Variants in MIPOL1 observed in about 807,000 individuals in gnomAD.
MIPOL1 encodes the protein mirror-image polydactyly gene 1 protein.
A neutral mutation model predicts 60.9 loss-of-function variants in MIPOL1; 57 were observed. The observed-to-expected ratio is 0.94, with a 90% CI of 0.76 to 1.17. The LOEUF is 1.17. Ranked by LOEUF, MIPOL1 falls within the 50% of genes most tolerant of loss-of-function variation. MIPOL1 has a pLI of 0.00. For synonymous variants in MIPOL1, 179 were observed against 168.8 expected, an observed-to-expected ratio of 1.06 and a Z score of -0.47; for missense variants, 551 against 511.6, an observed-to-expected ratio of 1.08 and a Z score of -0.74.
intron 9 of MIPOL1, among the ~76,000 whole-genome samples, chr14:37,345,573 G>GT (rs2090890548): frequency 6.6e-6 from 1 of 152,014 alleles, no homozygotes; most frequent in South Asian, 2.1e-4. Context: ...TAGTTTCTTG[G>GT]TATCTGCTAT....
chr14:37,357,960 G>C (rs1357245466), intron 9 of MIPOL1, among the ~76,000 whole-genome samples: 1 of 151,962 alleles, frequency 6.6e-6, no homozygotes, highest in East Asian at 1.9e-4. Context: ...ATTTATGTTA[G>C]GTATTTCTCC....
rs777576426 is a variant in MIPOL1 at position 37,285,299 on chromosome 14, G to A, written c.494-19G>A. ...CTTTATTTTGTATGATTGATTGTGC[G>A]CTTTATATATTTTGGTAGCTCTGGT... On this transcript the variant is annotated intron_variant, in intron 6 of 12. Transcript: ENST00000684589. The A allele has an allele frequency of 1.5e-5, 24 of 1,613,042 alleles. No individual in the cohort carries two copies. The highest frequency in any genetic ancestry group is 4.0e-5 in the African/African-American group (3 of 74,822).
chr14:37,372,580 C>T (rs923532012), intron 10 of MIPOL1, among the ~76,000 whole-genome samples: 1 of 151,880 alleles, frequency 6.6e-6, no homozygotes, highest in African/African-American at 2.4e-5. Flanking sequence ...ATAATGAAAA[C>T]CCGTCTCTAC....
intron 7 of MIPOL1, 149 bp downstream of exon 7, chr14:37,285,596 CTT>C (rs767127738): frequency 3.3e-3 from 2,006 of 604,336 alleles, no homozygotes; most frequent in South Asian, 7.0e-3. Flanking sequence ...TTTTTCTTTT[CTT>C]TTTTTTTTTT....
At chr14:37,466,838 G>C (rs2153585842) in intron 11 of MIPOL1, among the ~76,000 whole-genome samples, 1 of 152,278 alleles carries the variant, frequency 6.6e-6, no homozygotes, top group South Asian at 2.1e-4. Flanking sequence ...CATTTAATTA[G>C]AAAGGACACA....
intron 9 of MIPOL1, among the ~76,000 whole-genome samples, chr14:37,337,165 A>G (rs1429740997): frequency 6.7e-6 from 1 of 150,158 alleles, no homozygotes; most frequent in Non-Finnish European, 1.5e-5. Flanking sequence ...ATTGTTCCAT[A>G]TTGTGTTGTT....
chr14:37,326,846 C>T (rs1460784617), intron 9 of MIPOL1, among the ~76,000 whole-genome samples: 3 of 152,098 alleles, frequency 2.0e-5, no homozygotes, highest in South Asian at 2.1e-4. Context: ...TGAGCACTCA[C>T]GTGAAACACA....
Position 37,304,900 on chromosome 14 carries a change from G to A in MIPOL1, c.624-3156G>A, listed in dbSNP as rs12436291. Among the ~76,000 whole-genome samples, 1,438 of 151,780 alleles carry A rather than the reference G, an allele frequency of 9.5e-3. 19 individuals are homozygous for A. The highest frequency in any genetic ancestry group is 0.012 in the Non-Finnish European group (826 of 67,742). On this transcript the variant is annotated intron_variant, in intron 7 of 12. Transcript: ENST00000684589. ...AGGCATAATTTAAAGTTTACAAAAG[G>A]TTGAAATTCTTTTGTCTAATTGTGA...
rs2153478610 is a variant in MIPOL1 at position 37,356,420 on chromosome 14, T to A, written c.829-13097T>A. ...CAGAGGCAGGCAGGCCTCCTTGAGC[T>A]GTGGTGGGCTCCACCCAGTTCGAGC... On this transcript the variant is annotated intron_variant, in intron 9 of 12. Transcript: ENST00000684589. 2.0e-5 allele frequency among the ~76,000 whole-genome samples: 3 copies of A among 152,270 alleles called. No homozygotes were observed. In the South Asian group the frequency reaches 6.2e-4, roughly 32 times the overall value.
At chr14:37,492,767 A>G (rs1223900152) in intron 11 of MIPOL1, among the ~76,000 whole-genome samples, 2 of 152,100 alleles carry the variant, frequency 1.3e-5, no homozygotes, top group African/African-American at 4.8e-5. Context: ...AGCATTGTTG[A>G]CATAGTGGTC....
At chr14:37,321,860 A>G (rs2088611858) in intron 9 of MIPOL1, among the ~76,000 whole-genome samples, 1 of 151,942 alleles carries the variant, frequency 6.6e-6, no homozygotes, top group African/African-American at 2.4e-5. Flanking sequence ...CTTAATGTCT[A>G]CTTATATATC....
chr14:37,253,698 G>A (rs1052016532), intron 3 of MIPOL1, among the ~76,000 whole-genome samples: 1 of 151,512 alleles, frequency 6.6e-6, no homozygotes, highest in Non-Finnish European at 1.5e-5. Flanking sequence ...TAGTATTTTA[G>A]GAAGTCTATT....
At chr14:37,306,733 A>G (rs192394936) in intron 7 of MIPOL1, among the ~76,000 whole-genome samples, 1 of 151,948 alleles carries the variant, frequency 6.6e-6, no homozygotes. Context: ...CTTTTCTGTT[A>G]GGTTTTTCAA....
At chr14:37,199,631 TCTC>T (rs1274639610) in intron 1 of MIPOL1, among the ~76,000 whole-genome samples, 10 of 152,050 alleles carry the variant, frequency 6.6e-5, no homozygotes, top group African/African-American at 2.4e-4. Flanking sequence ...ATCAAGCAAT[TCTC>T]CTGTCTCAGC....
chr14:37,313,010 G>GC (rs2087503264), intron 9 of MIPOL1, among the ~76,000 whole-genome samples: 1 of 152,098 alleles, frequency 6.6e-6, no homozygotes, highest in Non-Finnish European at 1.5e-5. Context: ...GACCTTAGGA[G>GC]CCATCTAGTT....
At chr14:37,378,615 T>C (rs1281201777) in intron 10 of MIPOL1, among the ~76,000 whole-genome samples, 1 of 145,270 alleles carries the variant, frequency 6.9e-6, no homozygotes, top group Admixed American at 7.0e-5. Context: ...CACAGACTTA[T>C]ATGCCGGGGA....
At chr14:37,409,367 CT>C in intron 10 of MIPOL1, among the ~76,000 whole-genome samples, 1 of 152,016 alleles carries the variant, frequency 6.6e-6, no homozygotes, top group South Asian at 2.1e-4. Context: ...TCCACAGGTG[CT>C]TTCTAGGAAA....
intron 11 of MIPOL1, among the ~76,000 whole-genome samples, chr14:37,467,320 A>G (rs74931604): frequency 0.015 from 2,349 of 152,370 alleles, 58 homozygotes; most frequent in African/African-American, 0.052. Context: ...TTTTAAATAA[A>G]GTGCATACAG....
At chr14:37,221,401 T>C (rs1022993601) in intron 1 of MIPOL1, among the ~76,000 whole-genome samples, 14 of 152,224 alleles carry the variant, frequency 9.2e-5, no homozygotes, top group Non-Finnish European at 1.9e-4. Context: ...TAATCACCTT[T>C]TAACAGTCCC....
Sources: gnomAD v4.1 joint callset for allele counts (sites outside exome capture counted in the v4.1 genomes callset) on GRCh38, gnomAD v4.1.1 for gene constraint, MANE v1.5 for transcripts, NCBI Gene and HGNC (gene_info 2026-07-23, HGNC 2026-07-21) for gene names.